BTRC: variants seen among roughly 807,000 people sequenced by gnomAD.
BTRC encodes beta-transducin repeat containing E3 ubiquitin protein ligase.
Under a neutral mutation model 85.5 loss-of-function variants are expected in BTRC, and 42 were observed. That is an observed-to-expected ratio of 0.49 (90% CI 0.38 to 0.64). The LOEUF (loss-of-function observed/expected upper bound fraction) is 0.64, where lower values mean the gene tolerates loss of function less well. Ranked by LOEUF, BTRC falls within the 30% of genes least tolerant of loss-of-function variation. The pLI is 0.00. For synonymous variants in BTRC, 255 were observed against 263.3 expected (o/e 0.97, Z 0.30); for missense variants, 594 against 743.5 (o/e 0.80, Z 2.34).
chr10:101,451,092 T>C (rs1463132419), intron 2 of BTRC, among the ~76,000 whole-genome samples: 1 of 152,218 alleles, frequency 6.6e-6, no homozygotes, highest in Non-Finnish European at 1.5e-5. Flanking sequence ...GGAATGTTTG[T>C]TAGACTTAAA....
intron 1 of BTRC, among the ~76,000 whole-genome samples, chr10:101,425,123 C>T (rs751264282): frequency 3.9e-5 from 6 of 152,142 alleles, no homozygotes; most frequent in Admixed American, 1.3e-4. Flanking sequence ...CTGCAGAGGA[C>T]ATGATTTCAT....
chr10:101,462,154 C>T, intron 3 of BTRC, 96 bp downstream of exon 3: 1 of 996,518 alleles, frequency 1.0e-6, no homozygotes, highest in Non-Finnish European at 1.5e-6. Flanking sequence ...AGCACTGGAG[C>T]TTATATTAAG....
chr10:101,466,899 CA>C (rs1255846715), intron 3 of BTRC, among the ~76,000 whole-genome samples: 1 of 152,024 alleles, frequency 6.6e-6, no homozygotes, highest in East Asian at 1.9e-4. Context: ...AGTAGATCCA[CA>C]AAAAACAGCA....
intron 4 of BTRC, among the ~76,000 whole-genome samples, chr10:101,510,683 C>G (rs1326026712): frequency 6.6e-6 from 1 of 152,094 alleles, no homozygotes; most frequent in African/African-American, 2.4e-5. Flanking sequence ...TGTTGTATCC[C>G]CATCCAGATT....
intron 1 of BTRC, among the ~76,000 whole-genome samples, chr10:101,411,787 G>A (rs1943787337): frequency 6.7e-6 from 1 of 148,836 alleles, no homozygotes; most frequent in South Asian, 2.1e-4. Flanking sequence ...CTCTTGTCTT[G>A]TAATTTTAGA....
intron 2 of BTRC, among the ~76,000 whole-genome samples, chr10:101,443,522 G>C (rs1187535005): frequency 6.6e-6 from 1 of 152,156 alleles, no homozygotes; most frequent in Admixed American, 6.5e-5. Flanking sequence ...TAAAAGTGCT[G>C]TTGGTTACCA....
chr10:101,354,149 G>A (rs770381892), upstream of BTRC: 1 of 1,548,320 alleles, frequency 6.5e-7, no homozygotes, highest in South Asian at 1.2e-5. Flanking sequence ...GGGCGGCCCC[G>A]GCGGAGAGCG....
chr10:101,521,680 G>A lies in BTRC; in HGVS notation c.366G>A (p.Lys122=). The change falls in exon 5 of 15, where the codon AAG becomes AAA. Residue 122 remains lysine, a synonymous_variant. Coordinates refer to ENST00000370187, the MANE Select transcript of BTRC (RefSeq NM_033637.4). Reference sequence around the variant, plus strand: ...GCACTTCCAGTATGATTGTGCCCAAGCAACGGAAACTCTCAGCAAGCTATG... The same window carrying A: ...GCACTTCCAGTATGATTGTGCCCAAACAACGGAAACTCTCAGCAAGCTATG... ...ANGTSSMIVP[K]QRKLSASYEK... 6.2e-7 allele frequency: 1 copy of A among 1,614,156 alleles called. No individual in the cohort carries two copies.
At chr10:101,475,745 C>A (rs954860447) in intron 3 of BTRC, among the ~76,000 whole-genome samples, 2 of 151,370 alleles carry the variant, frequency 1.3e-5, no homozygotes, top group Non-Finnish European at 2.9e-5. Context: ...GAAATCACAT[C>A]TTTTCCTTAC....
chr10:101,499,123 T>C (rs183689626), intron 4 of BTRC, among the ~76,000 whole-genome samples: 84 of 152,302 alleles, frequency 5.5e-4, no homozygotes, highest in African/African-American at 1.8e-3. Context: ...TAGGTGGTAT[T>C]AGTTTTGTTT....
chr10:101,519,205 A>G (rs1197851474), intron 4 of BTRC, among the ~76,000 whole-genome samples: 1 of 151,542 alleles, frequency 6.6e-6, no homozygotes, highest in Admixed American at 6.6e-5. Context: ...CAGCCTCCCA[A>G]GTAGCTGGGA....
intron 3 of BTRC, among the ~76,000 whole-genome samples, chr10:101,473,686 G>T (rs1475823341): frequency 6.6e-6 from 1 of 151,688 alleles, no homozygotes; most frequent in Non-Finnish European, 1.5e-5. Context: ...TGCTAGGCTG[G>T]TCTCAAACTC....
rs190359447 is a variant in BTRC, at chr10:101,438,197, A to G, written c.156+7745A>G. Among the ~76,000 whole-genome samples the G allele has an allele frequency of 4.2e-3, 636 of 152,164 alleles. 9 individuals carry two copies. Among genetic ancestry groups the G allele is most frequent in the South Asian group, 0.013 (61 of 4,818 alleles). ...ATCCCAGCACTTTGGGAGGCCAAGGAGGGCAGATCACAAAGTCAGGAGATT... is the reference window on the plus strand; with the variant it reads ...ATCCCAGCACTTTGGGAGGCCAAGGGGGGCAGATCACAAAGTCAGGAGATT... On this transcript the variant is annotated intron_variant, in intron 2 of 14. Coordinates refer to ENST00000370187, the MANE Select transcript of BTRC (RefSeq NM_033637.4).
chr10:101,554,426 T>A lies in BTRC; in HGVS notation c.*1303T>A, dbSNP rs1050146319. 3.9e-5 allele frequency: 6 copies of A among 152,350 alleles called. No individual in the cohort carries two copies. The highest frequency in any genetic ancestry group is 5.9e-5 in the Non-Finnish European group (4 of 67,936). 9.4% of individuals were successfully genotyped at this position (152,350 alleles called of 1,614,324 possible). Reference sequence around the variant, plus strand: ...ACACTGTTTTTGTTTTTTTTGTTGTTTTGTTTTGTTTTGGCCAGTTAAATA... The same window carrying A: ...ACACTGTTTTTGTTTTTTTTGTTGTATTGTTTTGTTTTGGCCAGTTAAATA... On this transcript the variant is annotated 3_prime_UTR_variant, in exon 15 of 15. Coordinates refer to ENST00000370187, the MANE Select transcript of BTRC (RefSeq NM_033637.4).
chr10:101,552,850 C>G (rs529830317), intron 14 of BTRC, among the ~76,000 whole-genome samples: 5 of 152,280 alleles, frequency 3.3e-5, no homozygotes, highest in Non-Finnish European at 7.4e-5. Flanking sequence ...CCCTGCCCTG[C>G]CATTCTACAG....
chr10:101,416,946 A>G lies in BTRC; in HGVS notation c.49-13399A>G, dbSNP rs138959622. Among the ~76,000 whole-genome samples, 7 of 152,262 alleles carry G rather than the reference A, an allele frequency of 4.6e-5. No individual in the cohort carries two copies. In the East Asian group the frequency reaches 1.2e-3, roughly 25 times the overall value. ...TCCCAGTATGTATTTTTATTAATTTATATTCCATGTTTTATTTTTAAACAT... is the reference window on the plus strand; with the variant it reads ...TCCCAGTATGTATTTTTATTAATTTGTATTCCATGTTTTATTTTTAAACAT... On this transcript the variant is annotated intron_variant, in intron 1 of 14. Transcript: ENST00000370187.
At chr10:101,480,257 G>C (rs932257161) in intron 4 of BTRC, among the ~76,000 whole-genome samples, 11 of 152,030 alleles carry the variant, frequency 7.2e-5, no homozygotes, top group African/African-American at 2.4e-4. Context: ...TATAGATCCA[G>C]GCCCTCAGTT....
chr10:101,517,788 C>T (rs2062042429), intron 4 of BTRC, among the ~76,000 whole-genome samples: 1 of 152,160 alleles, frequency 6.6e-6, no homozygotes, highest in Non-Finnish European at 1.5e-5. Flanking sequence ...AGTCGATCAG[C>T]AAATTCAGTA....
chr10:101,524,736 A>G (rs1190225628), intron 5 of BTRC, among the ~76,000 whole-genome samples: 8 of 152,218 alleles, frequency 5.3e-5, no homozygotes, highest in Non-Finnish European at 8.8e-5. Flanking sequence ...TGTATTTAAC[A>G]TGAAGAACTA....
Sources: allele counts gnomAD v4.1 joint callset (sites outside exome capture counted in the v4.1 genomes callset), GRCh38; gene constraint gnomAD v4.1.1; transcripts MANE v1.5; gene names NCBI Gene and HGNC (gene_info 2026-07-23, HGNC 2026-07-21).